Variants in HS6ST3 observed in about 807,000 individuals in gnomAD.
The protein encoded by HS6ST3 is heparan sulfate 6-O-sulfotransferase 3.
HS6ST3 carries 12 observed loss-of-function variants against 36.7 expected under a neutral mutation model. The observed-to-expected ratio is 0.33, with a 90% CI of 0.21 to 0.53. The LOEUF is 0.53. HS6ST3 is among the 20% of genes least tolerant of loss of function. The pLI is 0.95. For missense variants in HS6ST3, 584 were observed against 640.9 expected (o/e 0.91, Z 0.96); for synonymous variants, 240 against 257.5 (o/e 0.93, Z 0.65).
intron 1 of HS6ST3, among the ~76,000 whole-genome samples, chr13:96,583,499 C>T (rs908940344): frequency 4.6e-5 from 7 of 151,790 alleles, no homozygotes; most frequent in African/African-American, 1.5e-4. Flanking sequence ...GATGTGAGCA[C>T]CCGCCCAATG....
In HS6ST3 at chr13:96,090,803, G is replaced by T. The variant is rs1423279530; in HGVS notation, c.-60G>T. 17 of 1,375,862 alleles carry T rather than the reference G, an allele frequency of 1.2e-5. No individual in the cohort carries two copies. In the Admixed American group the frequency reaches 4.0e-4, roughly 32 times the overall value. 85.2% of individuals were successfully genotyped at this position (1,375,862 alleles called of 1,614,324 possible). A position where few individuals can be genotyped will look rare whatever the true frequency, so the allele number is the denominator to read the frequency against. On this transcript the variant is annotated 5_prime_UTR_variant, in exon 1 of 2. Coordinates refer to ENST00000376705, the MANE Select transcript of HS6ST3 (RefSeq NM_153456.4). ...GAGTCCGCGAAACTTCCGAGCGGGC[G>T]CCCGTCCGCCCTGCCGCCGCCGCCG...
intron 1 of HS6ST3, among the ~76,000 whole-genome samples, chr13:96,496,498 C>G (rs559866605): frequency 2.3e-4 from 35 of 152,170 alleles, no homozygotes; most frequent in Admixed American, 1.0e-3. Context: ...AGCCAGCTGC[C>G]AAATAAGAGA....
At chr13:96,471,643 A>T (rs2055840625) in intron 1 of HS6ST3, among the ~76,000 whole-genome samples, 1 of 152,214 alleles carries the variant, frequency 6.6e-6, no homozygotes, top group Non-Finnish European at 1.5e-5. Flanking sequence ...TATCCAGGAT[A>T]GCTTCCATAC....
intron 1 of HS6ST3, among the ~76,000 whole-genome samples, chr13:96,263,729 CATTT>C (rs2054677697): frequency 6.6e-6 from 1 of 152,184 alleles, no homozygotes; most frequent in Admixed American, 6.5e-5. Flanking sequence ...AAGATTCAGA[CATTT>C]ATTACCTGGA....
chr13:96,117,999 A>G (rs868678059), intron 1 of HS6ST3, among the ~76,000 whole-genome samples: 2 of 151,878 alleles, frequency 1.3e-5, no homozygotes, highest in Non-Finnish European at 2.9e-5. Flanking sequence ...CCTCCTGAGT[A>G]GCTGGGATTA....
chr13:96,090,972 T>C lies in HS6ST3; in HGVS notation c.110T>C (p.Phe37Ser). Reference protein sequence around the residue: ...SPSCTSSCTNFGEQPRAGEAG... With the variant: ...SPSCTSSCTNSGEQPRAGEAG... ...TCCTGCACCAGCTCCTGCACCAACT[T>C]CGGGGAGCAGCCCCGCGCGGGGGAG... is the stretch of plus-strand genomic sequence containing the variant. Residue 37 changes from phenylalanine to serine, a missense_variant, in exon 1 of 2, where the codon TTC becomes TCC. By Grantham distance (155) the Phe-to-Ser change is radical. Coordinates refer to ENST00000376705, the MANE Select transcript of HS6ST3 (RefSeq NM_153456.4). 1 of 1,406,390 alleles carries C rather than the reference T, an allele frequency of 7.1e-7. No individual in the cohort carries two copies. Among genetic ancestry groups the C allele is most frequent in the Non-Finnish European group, 9.3e-7 (1 of 1,069,564 alleles). The allele number at this position is 1,406,390 out of a possible 1,614,324, so 87.1% of individuals were successfully genotyped here. A position where few individuals can be genotyped will look rare whatever the true frequency, so the allele number is the denominator to read the frequency against.
chr13:96,679,848 TG>T (rs1157067873), intron 1 of HS6ST3, among the ~76,000 whole-genome samples: 2 of 152,116 alleles, frequency 1.3e-5, no homozygotes, highest in Non-Finnish European at 2.9e-5. Flanking sequence ...GGTCCAACAA[TG>T]GGATCAAAAG....
At chr13:96,137,930 T>G (rs946518377) in intron 1 of HS6ST3, among the ~76,000 whole-genome samples, 1 of 152,224 alleles carries the variant, frequency 6.6e-6, no homozygotes, top group African/African-American at 2.4e-5. Context: ...AAGAAACAAG[T>G]AAGACAATTG....
chr13:96,453,951 C>T (rs1039270491), intron 1 of HS6ST3, among the ~76,000 whole-genome samples: 1 of 152,162 alleles, frequency 6.6e-6, no homozygotes, highest in Non-Finnish European at 1.5e-5. Flanking sequence ...TCCCCTTTAT[C>T]TTATCCTCCT....
At chr13:96,703,323 A>G (rs767644175) in intron 1 of HS6ST3, among the ~76,000 whole-genome samples, 7 of 152,220 alleles carry the variant, frequency 4.6e-5, no homozygotes, top group African/African-American at 7.2e-5. Flanking sequence ...AATGGCACTG[A>G]GAATTTTTAG....
intron 1 of HS6ST3, among the ~76,000 whole-genome samples, chr13:96,808,642 G>A (rs944386743): frequency 1.3e-5 from 2 of 152,168 alleles, no homozygotes; most frequent in Admixed American, 6.6e-5. Context: ...TCTTCTGACC[G>A]ATCCAGCACT....
At chr13:96,724,503 T>C (rs1875949538) in intron 1 of HS6ST3, among the ~76,000 whole-genome samples, 1 of 152,238 alleles carries the variant, frequency 6.6e-6, no homozygotes. Flanking sequence ...CTTTGTGCCC[T>C]TTTGTGATTT....
In HS6ST3 at chr13:96,355,204, C is replaced by G. The variant is rs541633344; in HGVS notation, c.707+263635C>G. ...TTAAAACCTCCTGGAAAGGACTCAT[C>G]ACTCTCAGTGCCATTAAGGACATCT... is the stretch of plus-strand genomic sequence containing the variant. On this transcript the variant is annotated intron_variant, in intron 1 of 1. Transcript: ENST00000376705. 7.9e-4 allele frequency among the ~76,000 whole-genome samples: 121 copies of G among 152,240 alleles called. 1 individual carries two copies. Among genetic ancestry groups the G allele is most frequent in the African/African-American group, 2.8e-3 (117 of 41,546 alleles).
At chr13:96,405,819 T>C (rs1376167452) in intron 1 of HS6ST3, among the ~76,000 whole-genome samples, 1 of 152,182 alleles carries the variant, frequency 6.6e-6, no homozygotes, top group Admixed American at 6.5e-5. Context: ...TGCAAGTGCC[T>C]TTGGTGTGGT....
At chr13:96,141,455 G>C (rs2054031680) in intron 1 of HS6ST3, among the ~76,000 whole-genome samples, 1 of 152,022 alleles carries the variant, frequency 6.6e-6, no homozygotes, top group African/African-American at 2.4e-5. Flanking sequence ...CTGGGCTGAA[G>C]TGATCCTCCC....
At chr13:96,482,212 C>A (rs971578103) in intron 1 of HS6ST3, among the ~76,000 whole-genome samples, 1 of 152,146 alleles carries the variant, frequency 6.6e-6, no homozygotes, top group African/African-American at 2.4e-5. Context: ...ATGATATTTA[C>A]TAGTTACCTA....
chr13:96,606,827 A>G (rs986250587), intron 1 of HS6ST3, among the ~76,000 whole-genome samples: 1 of 152,242 alleles, frequency 6.6e-6, no homozygotes, highest in Non-Finnish European at 1.5e-5. Context: ...AAAACTAACT[A>G]CAAGGAAGAC....
chr13:96,177,647 T>A (rs1416023593), intron 1 of HS6ST3, among the ~76,000 whole-genome samples: 1 of 149,868 alleles, frequency 6.7e-6, no homozygotes, highest in African/African-American at 2.5e-5. Context: ...GTAGGGAGGG[T>A]GGGAGGAGGG....
intron 1 of HS6ST3, among the ~76,000 whole-genome samples, chr13:96,774,830 A>T (rs1379767021): frequency 6.6e-6 from 1 of 152,148 alleles, no homozygotes; most frequent in Non-Finnish European, 1.5e-5. Context: ...AAATACAGGG[A>T]ACACTAAAAA....
Sources: gnomAD v4.1 joint callset for allele counts (sites outside exome capture counted in the v4.1 genomes callset) on GRCh38, gnomAD v4.1.1 for gene constraint, MANE v1.5 for transcripts, NCBI Gene and HGNC (gene_info 2026-07-23, HGNC 2026-07-21) for gene names.